Variants in AIDA observed in about 807,000 individuals in gnomAD.
AIDA encodes the protein axin interactor, dorsalization-associated protein.
Under a neutral mutation model 42.7 loss-of-function variants are expected in AIDA, and 18 were observed. That is an observed-to-expected ratio of 0.42 (90% confidence interval 0.29 to 0.63). The LOEUF is 0.63. Among genes scored for constraint, AIDA ranks in the 20% least tolerant of loss-of-function variants. AIDA has a pLI of 0.19. For missense variants in AIDA, 250 were observed against 354.1 expected (o/e 0.71, Z 2.36); for synonymous variants, 104 against 122.9 (o/e 0.85, Z 1.02).
intron 8 of AIDA, among the ~76,000 whole-genome samples, chr1:222,670,475 A>G (rs1664427121): frequency 6.6e-6 from 1 of 152,152 alleles, no homozygotes; most frequent in South Asian, 2.1e-4. Context: ...AATTCTACAA[A>G]CTATAGCAAA....
At chr1:222,692,402 A>C (rs748159560) in intron 4 of AIDA, among the ~76,000 whole-genome samples, 1 of 152,060 alleles carries the variant, frequency 6.6e-6, no homozygotes, top group Non-Finnish European at 1.5e-5. Context: ...TGAAGCTTAC[A>C]CTCTAGAAAT....
intron 6 of AIDA, among the ~76,000 whole-genome samples, chr1:222,685,168 A>G (rs1182937903): frequency 6.6e-6 from 1 of 152,240 alleles, no homozygotes; most frequent in African/African-American, 2.4e-5. Context: ...CCTGCAGTAT[A>G]GGTACTGTTA....
intron 3 of AIDA, 90 bp downstream of exon 3, chr1:222,694,120 T>C: frequency 8.3e-7 from 1 of 1,207,320 alleles, no homozygotes. Flanking sequence ...TCTGAGACAA[T>C]ACTGCTTTTG....
intron 1 of AIDA, among the ~76,000 whole-genome samples, chr1:222,710,049 G>A (rs1655952160): frequency 1.3e-5 from 2 of 152,000 alleles, no homozygotes; most frequent in African/African-American, 2.4e-5. Flanking sequence ...CTACACCCTC[G>A]ACATCCAGTC....
intron 2 of AIDA, among the ~76,000 whole-genome samples, chr1:222,695,941 T>C (rs1194550186): frequency 6.6e-6 from 1 of 152,224 alleles, no homozygotes; most frequent in Non-Finnish European, 1.5e-5. Context: ...ACAAGTGCCA[T>C]CCTGGCCCCT....
At chr1:222,692,887 G>A (rs1021240824) in intron 4 of AIDA, among the ~76,000 whole-genome samples, 1 of 152,160 alleles carries the variant, frequency 6.6e-6, no homozygotes, top group Non-Finnish European at 1.5e-5. Flanking sequence ...CCATCAGTAT[G>A]AATTTCAGAC....
In AIDA at chr1:222,676,925, CA is replaced by C. The variant is rs113969334; in HGVS notation, c.461-708del. On this transcript the variant is annotated intron_variant, in intron 6 of 9. Transcript: ENST00000340020. ...TATGAACACTGAAGCAAAAAAACCA[CA>C]AAAAAAAACAAACAAAAAAAAACCC... Among the ~76,000 whole-genome samples the C allele has an allele frequency of 7.4e-3, 968 of 131,366 alleles. 8 individuals are homozygous for C. Among genetic ancestry groups the C allele is most frequent in the African/African-American group, 0.024 (914 of 37,568 alleles). 86.2% of individuals were successfully genotyped at this position (131,366 alleles called of 152,430 possible).
chr1:222,684,536 G>A (rs1215598869), intron 6 of AIDA, among the ~76,000 whole-genome samples: 1 of 152,108 alleles, frequency 6.6e-6, no homozygotes, highest in Non-Finnish European at 1.5e-5. Context: ...CTATTTCAAT[G>A]ACATTTTCAA....
chr1:222,704,929 A>G (rs892610516), intron 1 of AIDA, among the ~76,000 whole-genome samples: 1 of 152,200 alleles, frequency 6.6e-6, no homozygotes, highest in Non-Finnish European at 1.5e-5. Context: ...AAAGGGTAGC[A>G]AGTGCTAGAT....
chr1:222,708,025 G>A (rs1655889945), intron 1 of AIDA, among the ~76,000 whole-genome samples: 1 of 152,068 alleles, frequency 6.6e-6, no homozygotes, highest in Non-Finnish European at 1.5e-5. Context: ...AATGACAAGT[G>A]GGGCCGGGCC....
At chr1:222,672,250 T>C (rs1406860629) in intron 8 of AIDA, among the ~76,000 whole-genome samples, 1 of 152,058 alleles carries the variant, frequency 6.6e-6, no homozygotes, top group Non-Finnish European at 1.5e-5. Flanking sequence ...TGTAATAAAA[T>C]AGAAAAGTTA....
intron 1 of AIDA, among the ~76,000 whole-genome samples, chr1:222,705,080 TG>T (rs1286728108): frequency 6.6e-6 from 1 of 152,230 alleles, no homozygotes; most frequent in Non-Finnish European, 1.5e-5. Flanking sequence ...ATGAAAGGTT[TG>T]CATCCTCCTT....
intron 7 of AIDA, among the ~76,000 whole-genome samples, chr1:222,674,141 A>G (rs570011548): frequency 2.0e-5 from 3 of 152,290 alleles, no homozygotes; most frequent in African/African-American, 7.2e-5. Context: ...CGTATATTTC[A>G]TAAGGATGCT....
chr1:222,672,593 G>T (rs78407903), intron 8 of AIDA, among the ~76,000 whole-genome samples: 2,969 of 152,288 alleles, frequency 0.019, 32 homozygotes, highest in Middle Eastern at 0.061. Flanking sequence ...GAGAACCACT[G>T]TTCTAACAGA....
In AIDA at chr1:222,694,224, T is replaced by G; in HGVS notation, c.220A>C (p.Ser74Arg). 1 of 1,611,948 alleles carries G rather than the reference T, an allele frequency of 6.2e-7. No individual in the cohort carries two copies. Among genetic ancestry groups the G allele is most frequent in the Non-Finnish European group, 8.5e-7 (1 of 1,179,280 alleles). The change falls in exon 3 of 10, where the codon AGT (serine) becomes CGT (arginine). Residue 74 changes from serine to arginine, a missense_variant. Coordinates refer to ENST00000340020, the MANE Select transcript of AIDA (RefSeq NM_022831.4). ...GKIATCLELR[S>R]AALQSTQSQE... The stretch of plus-strand genomic sequence containing the variant: ...AAACTCCTTACCTGTAAAGCTGCAC[T>G]TCGCAATTCCAAGCATGTTGCAATT...
chr1:222,685,358 G>T (rs866662872), intron 6 of AIDA, among the ~76,000 whole-genome samples: 1 of 152,316 alleles, frequency 6.6e-6, no homozygotes, highest in African/African-American at 2.4e-5. Flanking sequence ...TTAGGACACA[G>T]GTGCAAAGTC....
intron 6 of AIDA, among the ~76,000 whole-genome samples, chr1:222,679,445 A>G (rs1664614546): frequency 6.6e-6 from 1 of 152,224 alleles, no homozygotes; most frequent in African/African-American, 2.4e-5. Flanking sequence ...AGGATCAGAA[A>G]TAATAAATGT....
At chr1:222,672,709 A>G (rs2124947541) in intron 8 of AIDA, among the ~76,000 whole-genome samples, 1 of 152,344 alleles carries the variant, frequency 6.6e-6, no homozygotes, top group East Asian at 1.9e-4. Flanking sequence ...TTCAAAAGGG[A>G]CTTGAATATC....
chr1:222,701,359 T>C (rs1340263226), intron 2 of AIDA, among the ~76,000 whole-genome samples: 1 of 152,238 alleles, frequency 6.6e-6, no homozygotes, highest in East Asian at 1.9e-4. Context: ...CAGCAATATA[T>C]GTTGGAAACA....
Sources: gnomAD v4.1 joint callset for allele counts (sites outside exome capture counted in the v4.1 genomes callset) on GRCh38, gnomAD v4.1.1 for gene constraint, MANE v1.5 for transcripts, NCBI Gene and HGNC (gene_info 2026-07-23, HGNC 2026-07-21) for gene names.